Variants in EYA4 observed in about 807,000 individuals in gnomAD.
EYA4 encodes EYA transcriptional coactivator and phosphatase 4.
EYA4 carries 31 observed loss-of-function variants against 87.9 expected under a neutral mutation model. That is an observed-to-expected ratio of 0.35 (90% confidence interval 0.27 to 0.48). EYA4 has a LOEUF of 0.48. EYA4 is among the 20% of genes least tolerant of loss of function. The pLI is 0.99. For missense variants in EYA4, 678 were observed against 761.4 expected, an observed-to-expected ratio of 0.89 and a Z score of 1.29; for synonymous variants, 263 against 270.6, an observed-to-expected ratio of 0.97 and a Z score of 0.28.
chr6:133,495,774 C>T (rs912430689), intron 13 of EYA4, among the ~76,000 whole-genome samples: 8 of 151,948 alleles, frequency 5.3e-5, no homozygotes, highest in Middle Eastern at 6.3e-3. Context: ...TGCGTTACAA[C>T]CCAGAGTTTC....
chr6:133,245,128 A>G (rs1341467320), intron 1 of EYA4: 1 of 152,172 alleles, frequency 6.6e-6, no homozygotes, highest in African/African-American at 2.4e-5. Flanking sequence ...CATTCTGTAA[A>G]AACAGGCCCC....
intron 2 of EYA4, among the ~76,000 whole-genome samples, chr6:133,346,074 G>A (rs1282507883): frequency 6.6e-6 from 1 of 152,168 alleles, no homozygotes; most frequent in Admixed American, 6.5e-5. Context: ...TATGCCATCT[G>A]TGGGCTGTGT....
chr6:133,281,119 A>G (rs1777588553), intron 2 of EYA4, among the ~76,000 whole-genome samples: 1 of 152,206 alleles, frequency 6.6e-6, no homozygotes, highest in Non-Finnish European at 1.5e-5. Flanking sequence ...CTTTAAATAG[A>G]AAGAATATAA....
At chr6:133,513,383 T>C (rs1267188647) in intron 16 of EYA4, among the ~76,000 whole-genome samples, 1 of 152,188 alleles carries the variant, frequency 6.6e-6, no homozygotes, top group Admixed American at 6.5e-5. Context: ...AAGAAGTCCT[T>C]TCTCAAGTAG....
At chr6:133,307,430 A>T (rs1395476031) in intron 2 of EYA4, among the ~76,000 whole-genome samples, 1 of 152,152 alleles carries the variant, frequency 6.6e-6, no homozygotes, top group South Asian at 2.1e-4. Context: ...GAAAGGAATA[A>T]TTTCTCTTTT....
intron 1 of EYA4, among the ~76,000 whole-genome samples, chr6:133,267,856 A>G (rs2128251988): frequency 6.6e-6 from 1 of 152,310 alleles, no homozygotes; most frequent in African/African-American, 2.4e-5. Context: ...TTCTTAGGAA[A>G]GTTAATACTG....
In EYA4 at chr6:133,506,215, C is replaced by T. The variant is rs76551188; in HGVS notation, c.1281+20C>T. On this transcript the variant is annotated intron_variant, in intron 14 of 19. Coordinates refer to ENST00000355286, the MANE Select transcript of EYA4 (RefSeq NM_004100.5). ...TTAGAGGTAAGAATTTTACAAGGTACAAATAGTTGTATCCAACACCAGACC... is the reference window on the plus strand; with the variant it reads ...TTAGAGGTAAGAATTTTACAAGGTATAAATAGTTGTATCCAACACCAGACC... 249 of 1,370,888 alleles carry T rather than the reference C, an allele frequency of 1.8e-4. 1 individual carries two copies. The African/African-American group carries it at 2.3e-3, about 12-fold the overall frequency. 84.9% of individuals were successfully genotyped at this position (1,370,888 alleles called of 1,614,324 possible). A position where few individuals can be genotyped will look rare whatever the true frequency, so the allele number is the denominator to read the frequency against.
chr6:133,298,015 A>C (rs1019756472), intron 2 of EYA4, among the ~76,000 whole-genome samples: 1 of 150,234 alleles, frequency 6.7e-6, no homozygotes, highest in Non-Finnish European at 1.5e-5. Flanking sequence ...TTTCTTTTAC[A>C]TTTATTAGTT....
chr6:133,446,813 C>T, intron 4 of EYA4, 59 bp downstream of exon 4: 1 of 1,508,732 alleles, frequency 6.6e-7, no homozygotes, highest in Non-Finnish European at 9.2e-7. Context: ...TTTAATTTTA[C>T]TTCTTAGAGA....
At chr6:133,421,018 C>T (rs1335985558) in intron 3 of EYA4, among the ~76,000 whole-genome samples, 1 of 152,236 alleles carries the variant, frequency 6.6e-6, no homozygotes, top group Non-Finnish European at 1.5e-5. Flanking sequence ...AGCTTCGCTG[C>T]AGAAAGGAGA....
chr6:133,304,949 G>A (rs904391570), intron 2 of EYA4, among the ~76,000 whole-genome samples: 3 of 152,132 alleles, frequency 2.0e-5, no homozygotes, highest in African/African-American at 7.2e-5. Context: ...GTGGGTGGAG[G>A]ATAAAGAATC....
At chr6:133,500,222 A>G (rs1364604446) in intron 13 of EYA4, among the ~76,000 whole-genome samples, 2 of 151,860 alleles carry the variant, frequency 1.3e-5, no homozygotes, top group Non-Finnish European at 2.9e-5. Flanking sequence ...ACCTCAGATA[A>G]TCCGATTTAG....
chr6:133,372,787 G>C (rs1785373853), intron 2 of EYA4, among the ~76,000 whole-genome samples: 1 of 151,464 alleles, frequency 6.6e-6, no homozygotes, highest in Non-Finnish European at 1.5e-5. Flanking sequence ...CAGATATATA[G>C]AGATATATGT....
At chr6:133,508,290 C>T (rs1798824118) in intron 14 of EYA4, among the ~76,000 whole-genome samples, 1 of 151,908 alleles carries the variant, frequency 6.6e-6, no homozygotes, top group African/African-American at 2.4e-5. Context: ...TAATAATCAC[C>T]TCTCTAAAAC....
In EYA4 at chr6:133,481,477, A is replaced by G; in HGVS notation, c.985A>G (p.Met329Val). ...GTTATCTATAGGAGAGTTCGATACC[A>G]TGCAGAGTCCCTCCACACCCATCAA... The part of the protein sequence containing the change: ...LTNQPGEFDT[M>V]QSPSTPIKDL... The change falls in exon 12 of 20, where the codon ATG (methionine) becomes GTG (valine). Residue 329 changes from methionine (M) to valine (V), a missense_variant. Physicochemically the swap from Met to Val is conservative, Grantham distance 21. Transcript: ENST00000355286. 1 of 1,613,932 alleles carries G rather than the reference A, an allele frequency of 6.2e-7. No individual in the cohort carries two copies.
At chr6:133,370,166 C>T (rs1315584844) in intron 2 of EYA4, among the ~76,000 whole-genome samples, 3 of 152,190 alleles carry the variant, frequency 2.0e-5, no homozygotes, top group Admixed American at 6.5e-5. Context: ...GACACAGTTT[C>T]ATTCTACTGA....
chr6:133,396,031 TC>T (rs1787764582), intron 3 of EYA4, among the ~76,000 whole-genome samples: 1 of 152,210 alleles, frequency 6.6e-6, no homozygotes, highest in African/African-American at 2.4e-5. Context: ...TTTTCTCCCT[TC>T]CCCTTCTTTC....
intron 3 of EYA4, among the ~76,000 whole-genome samples, chr6:133,399,133 T>C (rs1033290714): frequency 5.3e-5 from 8 of 152,212 alleles, no homozygotes; most frequent in Non-Finnish European, 1.2e-4. Flanking sequence ...GCAAAGGGAA[T>C]CAGCCTGCTT....
Position 133,494,329 on chromosome 6 carries a change from T to C in EYA4, c.1191+11214T>C, listed in dbSNP as rs565177410. Among the ~76,000 whole-genome samples the C allele has an allele frequency of 4.6e-5, 7 of 152,280 alleles. No individual in the cohort carries two copies. The South Asian group carries it at 1.5e-3, about 32-fold the overall frequency. Reference sequence around the variant, plus strand: ...AAGCCAGGCACAAGGTGACAAACTTTACATATTCTTACTTATTTGGAAGCT... The same window carrying C: ...AAGCCAGGCACAAGGTGACAAACTTCACATATTCTTACTTATTTGGAAGCT... On this transcript the variant is annotated intron_variant, in intron 13 of 19. Coordinates refer to ENST00000355286, the MANE Select transcript of EYA4 (RefSeq NM_004100.5).
Sources: allele counts gnomAD v4.1 joint callset (sites outside exome capture counted in the v4.1 genomes callset), GRCh38; gene constraint gnomAD v4.1.1; transcripts MANE v1.5; gene names NCBI Gene and HGNC (gene_info 2026-07-23, HGNC 2026-07-21).